The following REPS2 variants were observed in gnomAD, a reference collection of about 807,000 sequenced individuals.
The protein encoded by REPS2 is RALBP1 associated Eps domain containing 2, also known as ralBP1-associated Eps domain-containing protein 2.
REPS2 carries 23 observed loss-of-function variants against 53.6 expected under a neutral mutation model. That is an observed-to-expected ratio of 0.43 (90% CI 0.31 to 0.61). REPS2 has a LOEUF of 0.61. Ranked by LOEUF, REPS2 falls within the 20% of genes least tolerant of loss-of-function variation. REPS2 has a pLI of 0.11. For missense variants in REPS2, 446 were observed against 534.9 expected (o/e 0.83, Z 1.64); for synonymous variants, 238 against 218.6 (o/e 1.09, Z -0.78).
chrX:17,139,494 C>A (rs2063415415), intron 17 of REPS2, among the ~76,000 whole-genome samples: 1 of 110,771 alleles, frequency 9.0e-6, no homozygotes, highest in African/African-American at 3.3e-5. Flanking sequence ...AATGACATCA[C>A]CCCTGTTTCT....
chrX:16,993,503 C>T (rs965935859), intron 1 of REPS2, among the ~76,000 whole-genome samples: 3 of 110,925 alleles, frequency 2.7e-5, no homozygotes, highest in African/African-American at 9.9e-5. Flanking sequence ...AACTCTGCCA[C>T]CTTGTAAAAA....
intron 6 of REPS2, among the ~76,000 whole-genome samples, chrX:17,050,191 TTTC>T (rs1569148539): frequency 1.7e-4 from 10 of 58,965 alleles, no homozygotes; most frequent in African/African-American, 5.9e-4. Flanking sequence ...TCTTTCTTTC[TTTC>T]TTTTTTTTTT....
intron 2 of REPS2, 69 bp from the exon 3 acceptor site, chrX:17,022,054 T>C (rs2061583870): frequency 9.9e-7 from 1 of 1,007,778 alleles, no homozygotes; most frequent in Admixed American, 2.9e-5. Flanking sequence ...CGTTTGGCCA[T>C]TGAGTTCCCC....
intron 14 of REPS2, among the ~76,000 whole-genome samples, chrX:17,116,448 C>T (rs150444851): frequency 7.2e-5 from 8 of 111,267 alleles, no homozygotes; most frequent in Admixed American, 9.5e-5. Flanking sequence ...TGGGCCCAAG[C>T]AGTCCTCCCA....
Position 17,068,407 on chromosome X carries a change from A to T in REPS2, c.1215A>T (p.Thr405=). ...QPRDLNRMEK[T]SVKDMADLPV... ...TTTACTTTTCTTTTTCAAAGAAGAC[A>T]TCTGTTAAAGACATGGCTGACCTTC... The change falls in exon 10 of 18, where the codon ACA becomes ACT. Residue 405 remains threonine, a synonymous_variant. Coordinates refer to ENST00000357277, the MANE Select transcript of REPS2 (RefSeq NM_004726.3). 1 of 1,198,782 alleles carries T rather than the reference A, an allele frequency of 8.3e-7. No individual in the cohort carries two copies. Among genetic ancestry groups the T allele is most frequent in the Non-Finnish European group, 1.1e-6 (1 of 884,951 alleles).
At chrX:17,090,811 C>T (rs1434660265) in intron 13 of REPS2, among the ~76,000 whole-genome samples, 2 of 111,717 alleles carry the variant, frequency 1.8e-5, no homozygotes, top group Non-Finnish European at 3.8e-5. Context: ...GTCTGCCTAA[C>T]CCAAGGTCTT....
intron 1 of REPS2, among the ~76,000 whole-genome samples, chrX:16,981,678 C>T (rs915057112): frequency 8.9e-6 from 1 of 112,106 alleles, no homozygotes; most frequent in African/African-American, 3.2e-5. Context: ...CTGACAGTAT[C>T]GATTATCCTT....
At chrX:17,075,043 T>C (rs766541009) in intron 12 of REPS2, among the ~76,000 whole-genome samples, 3 of 112,129 alleles carry the variant, frequency 2.7e-5, no homozygotes, top group South Asian at 3.7e-4. Flanking sequence ...ATTTTCCAAA[T>C]TGGGGTTTTG....
chrX:17,086,902 A>G (rs1478159299), intron 13 of REPS2, among the ~76,000 whole-genome samples: 2 of 112,226 alleles, frequency 1.8e-5, no homozygotes, highest in African/African-American at 6.5e-5. Flanking sequence ...TTTACTGGGT[A>G]CTTGGCACTT....
chrX:16,962,175 A>G (rs759839870), intron 1 of REPS2, among the ~76,000 whole-genome samples: 1 of 110,675 alleles, frequency 9.0e-6, no homozygotes, highest in Non-Finnish European at 1.9e-5. Context: ...TCAAAGAGGT[A>G]TCTACACTCC....
chrX:17,169,769 T>C, the REPS2 span, among the ~76,000 whole-genome samples: 3 of 112,599 alleles, frequency 2.7e-5, no homozygotes, highest in African/African-American at 9.7e-5. Flanking sequence ...GTTGAGTTTT[T>C]TGCCAGGGAG....
At chrX:17,071,744 T>C (rs1022737327) in intron 11 of REPS2, among the ~76,000 whole-genome samples, 6 of 111,487 alleles carry the variant, frequency 5.4e-5, no homozygotes, top group African/African-American at 2.0e-4. Flanking sequence ...GTTGCTGCTT[T>C]TTGGAGGGTT....
At chrX:17,111,304 T>TG (rs1323883552) in intron 14 of REPS2, among the ~76,000 whole-genome samples, 4 of 112,075 alleles carry the variant, frequency 3.6e-5, no homozygotes, top group African/African-American at 1.3e-4. Context: ...CTTAAGATAC[T>TG]GCCTGTTAAA....
chrX:17,069,151 G>C (rs941326205), intron 10 of REPS2, among the ~76,000 whole-genome samples: 2 of 112,184 alleles, frequency 1.8e-5, no homozygotes, highest in Admixed American at 1.9e-4. Flanking sequence ...CTGAATGGAG[G>C]CTGGTAAGTT....
chrX:17,076,640 C>A (rs1312811497), intron 12 of REPS2, among the ~76,000 whole-genome samples: 2 of 111,984 alleles, frequency 1.8e-5, no homozygotes, highest in Non-Finnish European at 3.8e-5. Context: ...GATGATATTA[C>A]CAGAGTTACA....
chrX:16,950,684 T>C (rs1372600510), intron 1 of REPS2, among the ~76,000 whole-genome samples: 1 of 112,962 alleles, frequency 8.9e-6, no homozygotes, highest in Non-Finnish European at 1.9e-5. Flanking sequence ...GGAGCTTATG[T>C]TCTCATGTGA....
In REPS2 at chrX:17,133,839, G is replaced by A. The variant is rs764790483; in HGVS notation, c.1594G>A (p.Glu532Lys). The A allele has an allele frequency of 3.4e-5, 41 of 1,208,945 alleles. No homozygotes were observed. Among genetic ancestry groups the A allele is most frequent in the Non-Finnish European group, 4.4e-5 (39 of 894,498 alleles). ...PCPSQSEQVS[E>K]AELLPQLSRA... The stretch of plus-strand genomic sequence containing the variant: ...CTTGCTACAGTCTGAACAAGTGTCG[G>A]AGGCCGAGTTACTCCCACAGCTGAG... The change falls in exon 15 of 18, where the codon GAG becomes AAG. Residue 532 changes from glutamate to lysine, a missense_variant. Physicochemically the swap from Glu to Lys is moderately conservative, Grantham distance 56. Transcript: ENST00000357277.
chrX:17,157,973 T>C (rs1204743812), downstream of REPS2, among the ~76,000 whole-genome samples: 2 of 111,914 alleles, frequency 1.8e-5, no homozygotes, highest in Non-Finnish European at 3.8e-5. Flanking sequence ...GGAGACTGCA[T>C]ACCCTGTGTA....
intron 2 of REPS2, among the ~76,000 whole-genome samples, chrX:17,010,139 A>ATGG (rs2061410277): frequency 8.9e-6 from 1 of 111,885 alleles, no homozygotes; most frequent in Admixed American, 9.5e-5. Flanking sequence ...GAACCAGCAT[A>ATGG]TGGTAAAACT....
Sources: allele counts gnomAD v4.1 joint callset (sites outside exome capture counted in the v4.1 genomes callset), GRCh38; gene constraint gnomAD v4.1.1; transcripts MANE v1.5; gene names NCBI Gene and HGNC (gene_info 2026-07-23, HGNC 2026-07-21).